Variants in SEMA5A observed in about 807,000 individuals in gnomAD.
SEMA5A encodes semaphorin-5A.
SEMA5A carries 55 observed loss-of-function variants against 135.5 expected under a neutral mutation model. The observed-to-expected ratio is 0.41, with a 90% CI of 0.33 to 0.51. The LOEUF is 0.51. Ranked by LOEUF, SEMA5A falls within the 20% of genes least tolerant of loss-of-function variation. The pLI, the probability that SEMA5A is intolerant of heterozygous loss-of-function variation, is 0.37. For synonymous variants in SEMA5A, 580 were observed against 546.5 expected, an observed-to-expected ratio of 1.06 and a Z score of -0.85; for missense variants, 1,290 against 1,419.9, an observed-to-expected ratio of 0.91 and a Z score of 1.47.
At position 9,063,394 on chromosome 5, in the gene SEMA5A, T is replaced by A. The variant is rs1001988825; in HGVS notation, c.2300-289A>T. ...AATAGATTCTATATAGGTAGTTCGT[T>A]TACTTTTTGAAGACACTTCTTACAA... On this transcript the variant is annotated intron_variant, in intron 17 of 22. Coordinates refer to ENST00000382496, the MANE Select transcript of SEMA5A (RefSeq NM_003966.3). Among the ~76,000 whole-genome samples the A allele has an allele frequency of 3.0e-4, 46 of 152,326 alleles. 1 individual carries two copies. The highest frequency in any genetic ancestry group is 1.1e-3 in the African/African-American group (45 of 41,580).
intron 16 of SEMA5A, among the ~76,000 whole-genome samples, chr5:9,107,080 C>A (rs998441675): frequency 6.6e-6 from 1 of 152,126 alleles, no homozygotes; most frequent in African/African-American, 2.4e-5. Context: ...CATTGCTCAG[C>A]CTCACAAACC....
intron 1 of SEMA5A, among the ~76,000 whole-genome samples, chr5:9,464,158 C>T (rs1759166941): frequency 6.6e-6 from 1 of 152,170 alleles, no homozygotes; most frequent in Non-Finnish European, 1.5e-5. Flanking sequence ...TATCATTAGA[C>T]ATTGCCAAAT....
At chr5:9,492,141 G>T (rs529411729) in intron 1 of SEMA5A, among the ~76,000 whole-genome samples, 1 of 152,302 alleles carries the variant, frequency 6.6e-6, no homozygotes, top group East Asian at 1.9e-4. Context: ...AAGCAATGGA[G>T]CTCGTATTTG....
chr5:9,054,000 A>T, intron 19 of SEMA5A, 87 bp downstream of exon 19: 1 of 1,450,294 alleles, frequency 6.9e-7, no homozygotes, highest in South Asian at 1.4e-5. Flanking sequence ...ACTTACCATG[A>T]TGCAGTATCA....
rs1172496756 is a variant in SEMA5A, at chr5:9,131,652, AAAAAAAC to A, written c.1599+4845_1599+4851del. ...AAAAAAAAAAAAAAAAAAAAAAAAA[AAAAAAAC>A]CTGTCATGTGAGCAATAGAGCAAGA... On this transcript the variant is annotated intron_variant, in intron 13 of 22. Transcript: ENST00000382496. Among the ~76,000 whole-genome samples the A allele has an allele frequency of 1.2e-4, 6 of 50,642 alleles. 2 individuals are homozygous for A. Among genetic ancestry groups the A allele is most frequent in the Admixed American group, 2.6e-4 (1 of 3,852 alleles). The allele number at this position is 50,642 out of a possible 152,430, so 33.2% of individuals were successfully genotyped here. A position where few individuals can be genotyped will look rare whatever the true frequency, so the allele number is the denominator to read the frequency against.
intron 10 of SEMA5A, among the ~76,000 whole-genome samples, chr5:9,190,874 AT>A (rs1439563357): frequency 2.0e-5 from 3 of 152,216 alleles, no homozygotes; most frequent in African/African-American, 7.2e-5. Context: ...ACAATCAAGG[AT>A]CTCATATAGA....
chr5:9,430,365 T>C (rs1401649828), intron 2 of SEMA5A, among the ~76,000 whole-genome samples: 3 of 152,096 alleles, frequency 2.0e-5, no homozygotes, highest in Non-Finnish European at 4.4e-5. Context: ...TTCTGGAGCT[T>C]AGGGATAGGT....
chr5:9,291,636 C>G (rs879834843), intron 5 of SEMA5A, among the ~76,000 whole-genome samples: 4 of 151,838 alleles, frequency 2.6e-5, no homozygotes, highest in Admixed American at 6.6e-5. Flanking sequence ...GAGACAGAGA[C>G]AGATACCAAG....
chr5:9,177,859 T>G (rs1359183762), intron 11 of SEMA5A, among the ~76,000 whole-genome samples: 2 of 152,234 alleles, frequency 1.3e-5, no homozygotes, highest in Non-Finnish European at 2.9e-5. Context: ...AGAATCACCA[T>G]CCAACAGATG....
intron 14 of SEMA5A, among the ~76,000 whole-genome samples, chr5:9,121,290 T>C (rs1053984499): frequency 6.6e-6 from 1 of 152,150 alleles, no homozygotes; most frequent in African/African-American, 2.4e-5. Flanking sequence ...ACCAAACAAG[T>C]CACATAAAGT....
chr5:9,221,356 G>A (rs959298967), intron 8 of SEMA5A, among the ~76,000 whole-genome samples: 24 of 139,382 alleles, frequency 1.7e-4, no homozygotes, highest in Middle Eastern at 3.9e-3. Context: ...AGGCTGGAGT[G>A]CAGTGGCGCG....
Position 9,489,922 on chromosome 5 carries a change from C to T in SEMA5A, c.-174-52070G>A, listed in dbSNP as rs188988878. Among the ~76,000 whole-genome samples the T allele has an allele frequency of 5.9e-5, 9 of 152,228 alleles. No homozygotes were observed. In the East Asian group the frequency reaches 1.7e-3, roughly 29 times the overall value. On this transcript the variant is annotated intron_variant, in intron 1 of 22. Coordinates refer to ENST00000382496, the MANE Select transcript of SEMA5A (RefSeq NM_003966.3). The stretch of plus-strand genomic sequence containing the variant: ...TAAATGATCTCACATGCCTCTAGCT[C>T]CATGCTGCTGTTGATGTTTTCTTCT...
chr5:9,139,750 A>T (rs75667519), intron 12 of SEMA5A, among the ~76,000 whole-genome samples: 1,701 of 152,318 alleles, frequency 0.011, 35 homozygotes, highest in African/African-American at 0.039. Flanking sequence ...ACTTATGAAC[A>T]CTTTTCTTTA....
intron 1 of SEMA5A, among the ~76,000 whole-genome samples, chr5:9,463,178 CCT>C (rs1433414607): frequency 2.0e-5 from 3 of 152,094 alleles, no homozygotes; most frequent in Non-Finnish European, 1.5e-5. Flanking sequence ...TGGGGAACCA[CCT>C]AGTCTGAAGA....
At chr5:9,354,522 C>T (rs752144579) in intron 3 of SEMA5A, among the ~76,000 whole-genome samples, 1 of 152,144 alleles carries the variant, frequency 6.6e-6, no homozygotes, top group Non-Finnish European at 1.5e-5. Context: ...AATGTTTCTT[C>T]ACTAGACCGT....
chr5:9,447,198 A>C (rs192421165), intron 1 of SEMA5A, among the ~76,000 whole-genome samples: 16 of 152,370 alleles, frequency 1.1e-4, no homozygotes, highest in Non-Finnish European at 2.9e-5. Context: ...AGTAATGGAA[A>C]GAAGATTAGT....
chr5:9,058,794 C>G (rs1434473779), intron 18 of SEMA5A, among the ~76,000 whole-genome samples: 1 of 152,184 alleles, frequency 6.6e-6, no homozygotes. Flanking sequence ...TATTGATTCT[C>G]CAGCATACTG....
chr5:9,316,296 A>G (rs1032820678), intron 5 of SEMA5A, among the ~76,000 whole-genome samples: 2 of 152,148 alleles, frequency 1.3e-5, no homozygotes, highest in East Asian at 3.8e-4. Context: ...TCCTTGCCCA[A>G]TTCTAGATTA....
chr5:9,217,103 G>T (rs1294617750), intron 8 of SEMA5A, among the ~76,000 whole-genome samples: 1 of 152,140 alleles, frequency 6.6e-6, no homozygotes, highest in East Asian at 1.9e-4. Context: ...GGGTGGTTTT[G>T]TATTAGCTGG....
Sources: allele counts gnomAD v4.1 joint callset (sites outside exome capture counted in the v4.1 genomes callset), GRCh38; gene constraint gnomAD v4.1.1; transcripts MANE v1.5; gene names NCBI Gene and HGNC (gene_info 2026-07-23, HGNC 2026-07-21).